The following CCDC60 variants were observed in gnomAD, a reference collection of about 807,000 sequenced individuals.
The protein encoded by CCDC60 is coiled-coil domain containing 60, also known as coiled-coil domain-containing protein 60.
CCDC60 carries 54 observed loss-of-function variants against 63.5 expected under a neutral mutation model. The ratio of observed to expected loss-of-function variants is 0.85; its 90% CI spans 0.68 to 1.07. CCDC60 has a LOEUF of 1.07. CCDC60 is among the 50% of genes least tolerant of loss of function. CCDC60 has a pLI of 0.00. For synonymous variants in CCDC60, 206 were observed against 238.8 expected, an observed-to-expected ratio of 0.86 and a Z score of 1.27; for missense variants, 651 against 684.3, an observed-to-expected ratio of 0.95 and a Z score of 0.54.
chr12:119,528,065 T>C (rs751003696), intron 11 of CCDC60, among the ~76,000 whole-genome samples: 6 of 152,024 alleles, frequency 3.9e-5, no homozygotes, highest in Non-Finnish European at 8.8e-5. Flanking sequence ...GGGGGCTGAA[T>C]AATTTAGAGC....
chr12:119,447,046 G>A (rs1344014142), intron 2 of CCDC60, among the ~76,000 whole-genome samples: 2 of 152,172 alleles, frequency 1.3e-5, no homozygotes, highest in African/African-American at 4.8e-5. Context: ...GGATCAGGCA[G>A]TTAAGGGAAT....
intron 1 of CCDC60, among the ~76,000 whole-genome samples, chr12:119,386,038 A>G (rs921396742): frequency 6.6e-6 from 1 of 152,234 alleles, no homozygotes; most frequent in African/African-American, 2.4e-5. Flanking sequence ...CAGCTCCTAG[A>G]AGAATTTCCA....
chr12:119,461,585 C>T (rs749138476), intron 2 of CCDC60, among the ~76,000 whole-genome samples: 12 of 152,232 alleles, frequency 7.9e-5, no homozygotes, highest in South Asian at 2.1e-4. Flanking sequence ...ACAACCCACC[C>T]TCTCCCATGC....
intron 4 of CCDC60, among the ~76,000 whole-genome samples, chr12:119,488,220 T>C (rs999497337): frequency 2.0e-5 from 3 of 152,212 alleles, no homozygotes; most frequent in African/African-American, 7.2e-5. Flanking sequence ...GACTCATAAA[T>C]GTAAAGCAAT....
chr12:119,456,060 A>AAATAAAGAAAGCAAGCAAGC lies in CCDC60; in HGVS notation c.171-15932_171-15931insTAAAGAAAGCAAGCAAGCAA, dbSNP rs1950742542. Reference sequence around the variant, plus strand: ...GAAAGAAAGAAAGAAAGAAAGAAAGAAAGCAAGCAAGCATGTGCAATTTCA... The same window carrying AAATAAAGAAAGCAAGCAAGC: ...GAAAGAAAGAAAGAAAGAAAGAAAGAAATAAAGAAAGCAAGCAAGCAAGCAAGCAAGCATGTGCAATTTCA... On this transcript the variant is annotated intron_variant, in intron 2 of 13. Transcript: ENST00000327554. This position sits in a 1 kb window ranked among gnomAD's most constrained non-coding sequence, Gnocchi z 4.6. Among the ~76,000 whole-genome samples the AAATAAAGAAAGCAAGCAAGC allele has an allele frequency of 8.4e-6, 1 of 118,784 alleles. No homozygotes were observed. The highest frequency in any genetic ancestry group is 1.8e-5 in the Non-Finnish European group (1 of 56,408). The allele number at this position is 118,784 out of a possible 152,430, so 77.9% of individuals were successfully genotyped here. A position where few individuals can be genotyped will look rare whatever the true frequency, so the allele number is the denominator to read the frequency against.
intron 1 of CCDC60, among the ~76,000 whole-genome samples, chr12:119,345,982 A>ATTTTTT (rs768961316): frequency 1.7e-5 from 2 of 118,684 alleles, no homozygotes; most frequent in African/African-American, 3.2e-5. Context: ...TACCCAGCTG[A>ATTTTTT]TTTTTTTTTT....
chr12:119,478,272 G>A (rs896365084), intron 3 of CCDC60, among the ~76,000 whole-genome samples: 5 of 151,942 alleles, frequency 3.3e-5, no homozygotes, highest in African/African-American at 9.7e-5. Context: ...CCAAGATCAC[G>A]CCACTGCACT....
chr12:119,531,058 A>G lies in CCDC60; in HGVS notation c.1546A>G (p.Ile516Val), dbSNP rs1451091939. The change falls in exon 13 of 14, where the codon ATT becomes GTT. Residue 516 changes from isoleucine to valine, a missense_variant. Ile to Val is a conservative substitution (Grantham distance 29). Coordinates refer to ENST00000327554, the MANE Select transcript of CCDC60 (RefSeq NM_178499.5). Reference protein sequence around the residue: ...ELCSPDIAVAIEFVREHIIHM... With the variant: ...ELCSPDIAVAVEFVREHIIHM... ...GTGCTCCCCTGACATCGCTGTGGCT[A>G]TTGAGGTAAACACCACCTCCTTCCC... 1.2e-6 allele frequency: 2 copies of G among 1,613,412 alleles called. No individual in the cohort carries two copies. Among genetic ancestry groups the G allele is most frequent in the African/African-American group, 2.7e-5 (2 of 74,884 alleles).
chr12:119,478,172 A>G (rs558443659), intron 3 of CCDC60, among the ~76,000 whole-genome samples: 1 of 152,154 alleles, frequency 6.6e-6, no homozygotes, highest in Non-Finnish European at 1.5e-5. Context: ...AAAAGTAGCC[A>G]GGCATGGTGG....
At chr12:119,481,607 TA>T (rs967394320) in intron 4 of CCDC60, among the ~76,000 whole-genome samples, 1 of 152,064 alleles carries the variant, frequency 6.6e-6, no homozygotes, top group Non-Finnish European at 1.5e-5. Flanking sequence ...TCTTTTTTTT[TA>T]ATTTTTTTAT....
chr12:119,375,273 C>T (rs1955939753), intron 1 of CCDC60, among the ~76,000 whole-genome samples: 1 of 152,168 alleles, frequency 6.6e-6, no homozygotes, highest in Non-Finnish European at 1.5e-5. Flanking sequence ...CTGGAAAAAA[C>T]AAACAAGCAA....
chr12:119,351,122 G>A (rs1955652088), intron 1 of CCDC60, among the ~76,000 whole-genome samples: 2 of 152,178 alleles, frequency 1.3e-5, no homozygotes, highest in Non-Finnish European at 1.5e-5. Context: ...TCATTTTGAG[G>A]TGAAGGATAA....
chr12:119,377,254 C>CAAAAAAAA (rs60100165), intron 1 of CCDC60, among the ~76,000 whole-genome samples: 20 of 47,416 alleles, frequency 4.2e-4, no homozygotes, highest in Admixed American at 6.3e-4. Context: ...CACTCCATCT[C>CAAAAAAAA]AAAAAAAAAA....
chr12:119,530,716 G>A (rs1482863181), intron 12 of CCDC60, among the ~76,000 whole-genome samples, 158 bp from the exon 13 acceptor site: 1 of 152,080 alleles, frequency 6.6e-6, no homozygotes, highest in Non-Finnish European at 1.5e-5. Context: ...GTAAAGACAG[G>A]CCTGATCTGT....
chr12:119,413,670 CAA>C (rs1476354034), intron 1 of CCDC60, among the ~76,000 whole-genome samples: 2 of 152,118 alleles, frequency 1.3e-5, no homozygotes, highest in East Asian at 1.9e-4. Context: ...CGGAGGTACA[CAA>C]GAGATGACTT....
chr12:119,358,507 T>C (rs1664282171), intron 1 of CCDC60, among the ~76,000 whole-genome samples: 1 of 152,162 alleles, frequency 6.6e-6, no homozygotes, highest in Non-Finnish European at 1.5e-5. Flanking sequence ...CATTATAAAT[T>C]ACCCAGTCTC....
chr12:119,448,178 C>CAA (rs1015088853), intron 2 of CCDC60, among the ~76,000 whole-genome samples: 2 of 133,044 alleles, frequency 1.5e-5, no homozygotes, highest in African/African-American at 5.5e-5. Context: ...GTCTTATCAC[C>CAA]AAAAAAAAAA....
At chr12:119,512,576 T>C (rs558570278) in intron 7 of CCDC60, among the ~76,000 whole-genome samples, 4 of 152,270 alleles carry the variant, frequency 2.6e-5, no homozygotes, top group Non-Finnish European at 5.9e-5. Context: ...GATGGGAAGA[T>C]AGCATTCTTC....
intron 1 of CCDC60, among the ~76,000 whole-genome samples, chr12:119,384,710 G>A (rs1956042678): frequency 6.6e-6 from 1 of 152,202 alleles, no homozygotes; most frequent in East Asian, 1.9e-4. Context: ...GCAACTTGTT[G>A]GACATCCTTA....
Sources: allele counts gnomAD v4.1 joint callset (sites outside exome capture counted in the v4.1 genomes callset), GRCh38; gene constraint gnomAD v4.1.1; non-coding constraint Gnocchi (gnomAD v3.1); transcripts MANE v1.5; gene names NCBI Gene and HGNC (gene_info 2026-07-23, HGNC 2026-07-21).